The following PRRX1 variants were observed in gnomAD, a reference collection of about 807,000 sequenced individuals.
The protein encoded by PRRX1 is paired mesoderm homeobox protein 1.
In PRRX1, 8 loss-of-function variants were observed where a neutral mutation model predicts 24.0. The ratio of observed to expected loss-of-function variants is 0.33; its 90% CI spans 0.20 to 0.60. PRRX1 has a LOEUF of 0.60. Ranked by LOEUF, PRRX1 falls within the 20% of genes least tolerant of loss-of-function variation. PRRX1 has a pLI of 0.82. For synonymous variants in PRRX1, 160 were observed against 131.7 expected (o/e 1.22, Z -1.47); for missense variants, 281 against 322.4 (o/e 0.87, Z 0.98).
At chr1:170,721,367 A>G (rs1447448171) in intron 2 of PRRX1, among the ~76,000 whole-genome samples, 1 of 152,172 alleles carries the variant, frequency 6.6e-6, no homozygotes, top group African/African-American at 2.4e-5. Context: ...ACCCTCTTGA[A>G]CAGCCAGAAC....
At chr1:170,704,018 G>A (rs1272085951) in intron 1 of PRRX1, among the ~76,000 whole-genome samples, 1 of 152,062 alleles carries the variant, frequency 6.6e-6, no homozygotes. Flanking sequence ...TTAATTAAAG[G>A]TAAAACTAAT....
chr1:170,680,406 T>C (rs1365283443), intron 1 of PRRX1, among the ~76,000 whole-genome samples: 3 of 152,190 alleles, frequency 2.0e-5, no homozygotes, highest in Non-Finnish European at 4.4e-5. Context: ...GACCCACGTC[T>C]GTAGTAGAGA....
intron 1 of PRRX1, among the ~76,000 whole-genome samples, chr1:170,700,845 C>T (rs1421983518): frequency 6.6e-6 from 1 of 152,132 alleles, no homozygotes; most frequent in African/African-American, 2.4e-5. Flanking sequence ...CCTACTTTCC[C>T]ACTACGGCTT....
rs926904742 is a variant in PRRX1 at position 170,664,211 on chromosome 1, G to T, written c.-8G>T. The T allele has an allele frequency of 8.7e-6, 14 of 1,608,362 alleles. No homozygotes were observed. Among genetic ancestry groups the T allele is most frequent in the Admixed American group, 1.7e-5 (1 of 59,556 alleles). On this transcript the variant is annotated 5_prime_UTR_variant, in exon 1 of 4. Transcript: ENST00000239461. ...AGAGGGGGGTGGGTGGGATCGGTGGGGGAGACCATGACCTCCAGCTACGGG... is the reference window on the plus strand; with the variant it reads ...AGAGGGGGGTGGGTGGGATCGGTGGTGGAGACCATGACCTCCAGCTACGGG...
intron 2 of PRRX1, among the ~76,000 whole-genome samples, chr1:170,721,124 TC>T (rs1655066501): frequency 1.3e-5 from 2 of 152,082 alleles, no homozygotes; most frequent in South Asian, 4.2e-4. Flanking sequence ...TAATTACCAC[TC>T]CCCACCCCGC....
intron 1 of PRRX1, among the ~76,000 whole-genome samples, chr1:170,690,770 A>C (rs1013685234): frequency 5.9e-5 from 9 of 152,166 alleles, no homozygotes; most frequent in African/African-American, 1.9e-4. Flanking sequence ...AGGCCCTGGA[A>C]CTGTGACTCT....
intron 1 of PRRX1, among the ~76,000 whole-genome samples, chr1:170,689,813 C>CGT (rs1653868185): frequency 1.8e-5 from 2 of 110,482 alleles, no homozygotes; most frequent in African/African-American, 3.7e-5. Context: ...TTTAATATTC[C>CGT]GTCTCTCTCT....
chr1:170,674,934 A>G (rs375897703), intron 1 of PRRX1, among the ~76,000 whole-genome samples: 76 of 152,362 alleles, frequency 5.0e-4, no homozygotes, highest in African/African-American at 1.8e-3. Context: ...TTTTTACACA[A>G]TTGGCATCAT....
Position 170,736,165 on chromosome 1 carries a change from C to G in PRRX1, c.717C>G (p.Asn239Lys). Residue 239 changes from asparagine to lysine, a missense_variant, in exon 4 of 4, where the codon AAC (asparagine) becomes AAG (lysine). Coordinates refer to ENST00000239461, the MANE Select transcript of PRRX1 (RefSeq NM_022716.4). The part of the protein sequence containing the change: ...LKAKEYSLQR[N>K]QVPTVN The stretch of plus-strand genomic sequence containing the variant: ...CCAAGGAATATAGTTTACAGAGGAA[C>G]CAGGTGCCAACAGTCAACTGAGGAA... The G allele has an allele frequency of 6.2e-7, 1 of 1,614,112 alleles. No homozygotes were observed. Among genetic ancestry groups the G allele is most frequent in the Admixed American group, 1.7e-5 (1 of 60,006 alleles).
chr1:170,667,207 G>A (rs2101881538), intron 1 of PRRX1, among the ~76,000 whole-genome samples: 1 of 152,218 alleles, frequency 6.6e-6, no homozygotes, highest in Non-Finnish European at 1.5e-5. Flanking sequence ...TCAAGAGACA[G>A]CTTCCGGAGG....
chr1:170,709,834 T>C (rs888027799), intron 1 of PRRX1, among the ~76,000 whole-genome samples: 3 of 152,218 alleles, frequency 2.0e-5, no homozygotes, highest in African/African-American at 7.2e-5. Context: ...CTAAAATGGT[T>C]GATATAGGCA....
chr1:170,686,888 G>T (rs573505022), intron 1 of PRRX1, among the ~76,000 whole-genome samples: 2 of 152,070 alleles, frequency 1.3e-5, no homozygotes, highest in East Asian at 3.9e-4. Context: ...AACATTGGTT[G>T]AGTGCCTTAT....
intron 1 of PRRX1, among the ~76,000 whole-genome samples, chr1:170,698,393 C>A (rs781645767): frequency 2.0e-5 from 3 of 152,068 alleles, no homozygotes; most frequent in African/African-American, 7.2e-5. Flanking sequence ...AAAAACAAAG[C>A]GTCTCTTTAT....
At chr1:170,723,921 AGACCACTGTCGTATAT>A (rs1378810600) in intron 2 of PRRX1, among the ~76,000 whole-genome samples, 2 of 145,490 alleles carry the variant, frequency 1.4e-5, no homozygotes, top group African/African-American at 5.0e-5. Context: ...TAATTTAATG[AGACCACTGTCGTATAT>A]GAGGTCCATC....
intron 2 of PRRX1, among the ~76,000 whole-genome samples, chr1:170,724,619 C>T (rs1320649500): frequency 2.0e-5 from 3 of 152,128 alleles, no homozygotes; most frequent in Non-Finnish European, 4.4e-5. Flanking sequence ...TCTGAGTTCT[C>T]TATTCTGTTC....
chr1:170,664,111 TACCC>T (rs1558039853), upstream of PRRX1: 584 of 627,718 alleles, frequency 9.3e-4, no homozygotes, highest in Non-Finnish European at 1.3e-3. Context: ...CTCTCTCCAC[TACCC>T]CCCTCTTTCT....
intron 1 of PRRX1, among the ~76,000 whole-genome samples, chr1:170,705,208 T>C (rs58688161): frequency 0.35 from 53,629 of 152,072 alleles, 9,823 homozygotes; most frequent in Middle Eastern, 0.5. Flanking sequence ...CATGGTTGTG[T>C]CAACCAGCAT....
chr1:170,705,917 GACAC>G (rs72161621), intron 1 of PRRX1, among the ~76,000 whole-genome samples: 3 of 123,672 alleles, frequency 2.4e-5, no homozygotes, highest in African/African-American at 6.4e-5. Context: ...TACCCACATA[GACAC>G]ACACACACAC....
In PRRX1 at chr1:170,664,174, A is replaced by G; in HGVS notation, c.-45A>G. On this transcript the variant is annotated 5_prime_UTR_variant, in exon 1 of 4. Coordinates refer to ENST00000239461, the MANE Select transcript of PRRX1 (RefSeq NM_022716.4). ...CTCGCGCCCACAGCGTTTGGTGTTG[A>G]TTCGAGCGGGAAGAGGGGGGTGGGT... The G allele has an allele frequency of 6.4e-7, 1 of 1,574,098 alleles. No individual in the cohort carries two copies.
Sources: allele counts gnomAD v4.1 joint callset (sites outside exome capture counted in the v4.1 genomes callset), GRCh38; gene constraint gnomAD v4.1.1; transcripts MANE v1.5; gene names NCBI Gene and HGNC (gene_info 2026-07-23, HGNC 2026-07-21).